Variants in IFT43 observed in about 807,000 individuals in gnomAD.
IFT43 encodes intraflagellar transport protein 43 homolog.
IFT43 carries 33 observed loss-of-function variants against 32.3 expected under a neutral mutation model. The ratio of observed to expected loss-of-function variants is 1.02; its 90% CI spans 0.77 to 1.37. IFT43 has a LOEUF of 1.37. IFT43 is among the 40% of genes most tolerant of loss of function. IFT43 has a pLI of 0.00. For missense variants in IFT43, 274 were observed against 265.9 expected, an observed-to-expected ratio of 1.03 and a Z score of -0.21; for synonymous variants, 93 against 98.2, an observed-to-expected ratio of 0.95 and a Z score of 0.31.
chr14:76,065,825 G>A (rs975216592), intron 5 of IFT43, among the ~76,000 whole-genome samples: 1 of 152,160 alleles, frequency 6.6e-6, no homozygotes, highest in African/African-American at 2.4e-5. Flanking sequence ...GATCTATGTT[G>A]CCCAGGCTGG....
chr14:76,035,048 T>C (rs888987400), intron 3 of IFT43, among the ~76,000 whole-genome samples: 1 of 152,226 alleles, frequency 6.6e-6, no homozygotes, highest in African/African-American at 2.4e-5. Context: ...TGCAAGGGAA[T>C]GAGGCAAGTA....
At chr14:76,064,050 C>T (rs1156237757) in intron 5 of IFT43, among the ~76,000 whole-genome samples, 3 of 152,050 alleles carry the variant, frequency 2.0e-5, no homozygotes, top group Non-Finnish European at 4.4e-5. Context: ...ATGGAAGAGT[C>T]GTCATTAGAG....
intron 5 of IFT43, chr14:76,076,636 A>T: frequency 1.2e-6 from 2 of 1,614,194 alleles, no homozygotes; most frequent in South Asian, 2.2e-5. Flanking sequence ...ATCTGAACGC[A>T]TGCTATCACA....
At chr14:76,042,295 C>T (rs2036722708) in intron 3 of IFT43, among the ~76,000 whole-genome samples, 1 of 151,754 alleles carries the variant, frequency 6.6e-6, no homozygotes, top group Non-Finnish European at 1.5e-5. Context: ...TGCTCAGAGT[C>T]ATACAGCTAG....
chr14:76,063,962 G>T (rs2037186631), intron 5 of IFT43, among the ~76,000 whole-genome samples: 1 of 152,168 alleles, frequency 6.6e-6, no homozygotes, highest in Admixed American at 6.5e-5. Context: ...AGGAACTGAG[G>T]ACCAGCGAGG....
chr14:75,999,261 A>T (rs576520850), intron 2 of IFT43, among the ~76,000 whole-genome samples: 2 of 23,362 alleles, frequency 8.6e-5, no homozygotes, highest in African/African-American at 2.7e-4. Flanking sequence ...ATATATATAT[A>T]TATATATATA....
chr14:76,006,071 A>G (rs894909462), intron 2 of IFT43, among the ~76,000 whole-genome samples: 2 of 152,004 alleles, frequency 1.3e-5, no homozygotes, highest in Admixed American at 6.6e-5. Flanking sequence ...GTTCTGATAT[A>G]TTAGCTATCG....
rs1028008775 is a variant in IFT43, at chr14:75,985,978, C to T, written c.54+138C>T. 75 of 1,528,466 alleles carry T rather than the reference C, an allele frequency of 4.9e-5. No individual in the cohort carries two copies. The Middle Eastern group carries it at 1.0e-3, about 21-fold the overall frequency. The allele number at this position is 1,528,466 out of a possible 1,614,324, so 94.7% of individuals were successfully genotyped here. A position where few individuals can be genotyped will look rare whatever the true frequency, so the allele number is the denominator to read the frequency against. On this transcript the variant is annotated intron_variant, in intron 1 of 8. Transcript: ENST00000314067. ...CGGGTGAGGCCCAGAAGGAGGCAGC[C>T]TCACCGCCCCGCCCCCAGGCCACTG...
Position 76,022,392 on chromosome 14 carries a change from G to T in IFT43, c.213G>T (p.Ser71=). ...GGGCAGGTGATTCCGTGAAGGCTTC[G>T]AAGTGAGTACCAGCAGCTCATAAGA... is the stretch of plus-strand genomic sequence containing the variant. The part of the protein sequence containing the change: ...GGWAGDSVKA[S]KFRRKASEEI... The change falls in exon 3 of 9, where the codon TCG becomes TCT. Residue 71 remains serine (S), a splice_region_variant and synonymous_variant. Transcript: ENST00000314067. The T allele has an allele frequency of 6.3e-7, 1 of 1,593,306 alleles. No individual in the cohort carries two copies. Among genetic ancestry groups the T allele is most frequent in the Non-Finnish European group, 8.6e-7 (1 of 1,161,218 alleles).
chr14:76,038,478 T>G (rs2036645412), intron 3 of IFT43, among the ~76,000 whole-genome samples: 1 of 152,212 alleles, frequency 6.6e-6, no homozygotes, highest in South Asian at 2.1e-4. Context: ...TTAGATTTGT[T>G]TATTCTAGGT....
chr14:76,030,363 C>T (rs1298994916), intron 3 of IFT43, among the ~76,000 whole-genome samples: 3 of 152,120 alleles, frequency 2.0e-5, no homozygotes, highest in East Asian at 3.8e-4. Context: ...CTTTTCAACG[C>T]AGCAAGATAT....
At chr14:75,989,962 A>G (rs1450896980) in intron 2 of IFT43, among the ~76,000 whole-genome samples, 1 of 152,228 alleles carries the variant, frequency 6.6e-6, no homozygotes, top group Non-Finnish European at 1.5e-5. Flanking sequence ...AGCTCTCCAC[A>G]TGGCCTTGTC....
intron 5 of IFT43, among the ~76,000 whole-genome samples, chr14:76,062,312 C>T (rs61979200): frequency 0.32 from 48,674 of 151,626 alleles, 9,466 homozygotes; most frequent in Non-Finnish European, 0.42. Context: ...CTTCGTGATC[C>T]GCCTGCCTCA....
At chr14:76,070,448 T>C (rs140588127) in intron 5 of IFT43, among the ~76,000 whole-genome samples, 70 of 152,356 alleles carry the variant, frequency 4.6e-4, no homozygotes, top group African/African-American at 1.6e-3. Context: ...AACTCCACTC[T>C]CACTTAGTAA....
chr14:75,987,368 A>G (rs191955821), intron 1 of IFT43, among the ~76,000 whole-genome samples: 9 of 152,320 alleles, frequency 5.9e-5, no homozygotes, highest in Admixed American at 3.9e-4. Context: ...AAGTGTCGAC[A>G]TTGCATAAGA....
chr14:76,078,158 T>C (rs1457227086), intron 5 of IFT43, among the ~76,000 whole-genome samples: 1 of 152,256 alleles, frequency 6.6e-6, no homozygotes, highest in Non-Finnish European at 1.5e-5. Context: ...CTGTGTTATT[T>C]GCGAATTCTT....
chr14:76,015,481 T>C (rs953599922), intron 2 of IFT43, among the ~76,000 whole-genome samples: 4 of 152,182 alleles, frequency 2.6e-5, no homozygotes, highest in Admixed American at 6.5e-5. Flanking sequence ...GATCTCAATG[T>C]TGGGGTGGAG....
intron 5 of IFT43, chr14:76,076,745 T>G: frequency 6.2e-7 from 1 of 1,602,602 alleles, no homozygotes; most frequent in Non-Finnish European, 8.5e-7. Flanking sequence ...TCTGGGACTT[T>G]GCTAGGTAAT....
intron 7 of IFT43, among the ~76,000 whole-genome samples, 160 bp downstream of exon 7, chr14:76,082,852 A>G (rs955547363): frequency 6.6e-6 from 1 of 152,252 alleles, no homozygotes; most frequent in African/African-American, 2.4e-5. Context: ...ATCATCATTC[A>G]TCTCACAGCA....
Sources: gnomAD v4.1 joint callset for allele counts (sites outside exome capture counted in the v4.1 genomes callset) on GRCh38, gnomAD v4.1.1 for gene constraint, MANE v1.5 for transcripts, NCBI Gene and HGNC (gene_info 2026-07-23, HGNC 2026-07-21) for gene names.